Variants in L3MBTL3 observed in about 807,000 individuals in gnomAD.
L3MBTL3 encodes L3MBTL histone methyl-lysine binding protein 3.
L3MBTL3 carries 27 observed loss-of-function variants against 102.3 expected under a neutral mutation model. The ratio of observed to expected loss-of-function variants is 0.26; its 90% CI spans 0.19 to 0.36. The LOEUF (loss-of-function observed/expected upper bound fraction) is 0.36, where lower values mean the gene tolerates loss of function less well. L3MBTL3 is among the 10% of genes least tolerant of loss of function. The probability of loss-of-function intolerance (pLI) is 1.00; values close to 1 mark genes in which losing one functional copy is unlikely to be tolerated. For missense variants in L3MBTL3, 798 were observed against 955.3 expected (o/e 0.84, Z 2.17); for synonymous variants, 340 against 320.9 (o/e 1.06, Z -0.64).
intron 22 of L3MBTL3, chr6:130,138,150 A>G (rs1441300947): frequency 6.6e-6 from 1 of 152,192 alleles, no homozygotes; most frequent in Non-Finnish European, 1.5e-5. Flanking sequence ...TAAAGGAGAG[A>G]GGAAAATCTT....
In L3MBTL3 at chr6:130,101,756, T is replaced by C. The variant is rs552710278; in HGVS notation, c.1737-2670T>C. ...GATTTTTCTGGCCTTCCTGTTGATC[T>C]GTCAAATGCCCTTACAGTGAGTGTT... On this transcript the variant is annotated intron_variant, in intron 18 of 22. Transcript: ENST00000361794. Among the ~76,000 whole-genome samples the C allele has an allele frequency of 2.4e-4, 36 of 152,358 alleles. 1 individual carries two copies. The highest frequency in any genetic ancestry group is 7.9e-4 in the African/African-American group (33 of 41,586).
intron 20 of L3MBTL3, among the ~76,000 whole-genome samples, chr6:130,124,878 G>A (rs552053124): frequency 4.6e-5 from 7 of 152,106 alleles, no homozygotes; most frequent in African/African-American, 1.4e-4. Context: ...GCTGAGGCAG[G>A]AGAATCACTT....
chr6:130,024,415 G>A (rs867966675), intron 2 of L3MBTL3, among the ~76,000 whole-genome samples: 1 of 152,090 alleles, frequency 6.6e-6, no homozygotes, highest in Non-Finnish European at 1.5e-5. Context: ...TCCACTCTTT[G>A]GAGATTATCC....
rs140461231 is a variant in L3MBTL3 at position 130,040,863 on chromosome 6, C to A, written c.-15-1822C>A. ...ATATTCAGATATCAAGACTTAATAA[C>A]ATTTATTATTTTTACTTCATCAATA... is the stretch of plus-strand genomic sequence containing the variant. On this transcript the variant is annotated intron_variant, in intron 2 of 22. Transcript: ENST00000361794. Among the ~76,000 whole-genome samples the A allele has an allele frequency of 9.6e-4, 146 of 152,226 alleles. 2 individuals are homozygous for A. The highest frequency in any genetic ancestry group is 6.8e-3 in the Middle Eastern group (2 of 294).
intron 19 of L3MBTL3, among the ~76,000 whole-genome samples, chr6:130,119,103 T>A (rs1390962905): frequency 6.6e-6 from 1 of 152,142 alleles, no homozygotes; most frequent in East Asian, 1.9e-4. Flanking sequence ...TCCTGAAAAC[T>A]GAAATATACA....
chr6:130,062,009 A>G (rs1331915723), intron 10 of L3MBTL3, among the ~76,000 whole-genome samples: 1 of 152,154 alleles, frequency 6.6e-6, no homozygotes, highest in South Asian at 2.1e-4. Flanking sequence ...GACAGAATTG[A>G]GTTTTACAAA....
chr6:130,028,528 G>A (rs1012208040), intron 2 of L3MBTL3, among the ~76,000 whole-genome samples: 1 of 152,152 alleles, frequency 6.6e-6, no homozygotes, highest in African/African-American at 2.4e-5. Flanking sequence ...TTGAAATAAT[G>A]ATCTAGAGTT....
chr6:130,083,497 G>A (rs1037434754), intron 14 of L3MBTL3, 123 bp from the exon 15 acceptor site: 1 of 472,076 alleles, frequency 2.1e-6, no homozygotes, highest in Non-Finnish European at 3.8e-6. Context: ...TGTGAGTAAA[G>A]TTGTCATGTA....
At chr6:130,076,850 C>T (rs1782986511) in intron 13 of L3MBTL3, among the ~76,000 whole-genome samples, 1 of 152,046 alleles carries the variant, frequency 6.6e-6, no homozygotes, top group South Asian at 2.1e-4. Context: ...ATATTTTTAT[C>T]TTCTCTATTG....
At chr6:130,054,517 A>G (rs1278640362) in intron 7 of L3MBTL3, among the ~76,000 whole-genome samples, 1 of 152,190 alleles carries the variant, frequency 6.6e-6, no homozygotes, top group Non-Finnish European at 1.5e-5. Context: ...TGTTAGAGGT[A>G]GGGTTGTCAG....
intron 14 of L3MBTL3, 32 bp downstream of exon 14, chr6:130,078,666 T>G: frequency 7.1e-7 from 1 of 1,414,772 alleles, no homozygotes; most frequent in Admixed American, 1.8e-5. Flanking sequence ...CTAATACTAT[T>G]CGTAGACTTC....
At chr6:130,099,404 A>G (rs557750071) in intron 18 of L3MBTL3, among the ~76,000 whole-genome samples, 49 of 152,352 alleles carry the variant, frequency 3.2e-4, no homozygotes, top group Non-Finnish European at 4.6e-4. Flanking sequence ...TTAGAAGTCT[A>G]TAAGCCTAGT....
intron 22 of L3MBTL3, 151 bp downstream of exon 22, chr6:130,134,056 T>A (rs942513547): frequency 1.8e-5 from 11 of 625,794 alleles, no homozygotes; most frequent in Non-Finnish European, 3.1e-5. Context: ...GCAGTATGAA[T>A]CAGTTGTATA....
chr6:130,129,346 A>T (rs1562339237), intron 20 of L3MBTL3, among the ~76,000 whole-genome samples: 2 of 152,148 alleles, frequency 1.3e-5, no homozygotes. Flanking sequence ...AAACATAATG[A>T]ATATTATTAT....
intron 2 of L3MBTL3, among the ~76,000 whole-genome samples, chr6:130,028,617 A>G (rs1779510218): frequency 1.3e-5 from 2 of 152,226 alleles, no homozygotes. Context: ...ATTCCAATAT[A>G]TGTGTGATTC....
At chr6:130,032,773 G>T (rs112242748) in intron 2 of L3MBTL3, among the ~76,000 whole-genome samples, 1 of 152,182 alleles carries the variant, frequency 6.6e-6, no homozygotes, top group Non-Finnish European at 1.5e-5. Flanking sequence ...GAAGAATCAC[G>T]TGAGGCCTGC....
chr6:130,099,154 A>G (rs182369361), intron 18 of L3MBTL3, among the ~76,000 whole-genome samples: 2 of 152,258 alleles, frequency 1.3e-5, no homozygotes, highest in East Asian at 3.9e-4. Context: ...GTATTTGCAT[A>G]TTTAGCTGAT....
chr6:130,094,552 A>G (rs1387306925), intron 18 of L3MBTL3, among the ~76,000 whole-genome samples, 185 bp downstream of exon 18: 1 of 152,198 alleles, frequency 6.6e-6, no homozygotes, highest in African/African-American at 2.4e-5. Flanking sequence ...CCTGGGAGAA[A>G]ATGCATTCAC....
chr6:130,093,156 A>G (rs187139473), intron 17 of L3MBTL3, among the ~76,000 whole-genome samples: 1 of 152,312 alleles, frequency 6.6e-6, no homozygotes, highest in East Asian at 1.9e-4. Context: ...TTCAAAATTT[A>G]TTGTTTCAAT....
Sources: allele counts gnomAD v4.1 joint callset (sites outside exome capture counted in the v4.1 genomes callset), GRCh38; gene constraint gnomAD v4.1.1; transcripts MANE v1.5; gene names NCBI Gene and HGNC (gene_info 2026-07-23, HGNC 2026-07-21).